Variants in SCN1A observed in about 807,000 individuals in gnomAD.
SCN1A encodes sodium voltage-gated channel alpha subunit 1, also known as sodium channel protein type 1 subunit alpha.
SCN1A carries 13 observed loss-of-function variants against 193.7 expected under a neutral mutation model. That is an observed-to-expected ratio of 0.07 (90% CI 0.04 to 0.11). The LOEUF is 0.11. SCN1A is among the 10% of genes least tolerant of loss of function. The pLI, the probability that SCN1A is intolerant of heterozygous loss-of-function variation, is 1.00. For missense variants in SCN1A, 1,432 were observed against 2,451.1 expected (o/e 0.58, Z 8.78); for synonymous variants, 781 against 843.6 (o/e 0.93, Z 1.29).
chr2:166,061,207 A>G (rs1683272200), intron 4 of SCN1A, among the ~76,000 whole-genome samples: 1 of 152,154 alleles, frequency 6.6e-6, no homozygotes, highest in African/African-American at 2.4e-5. Context: ...CCAAACCATG[A>G]CCAGAGGTAA....
intron 3 of SCN1A, among the ~76,000 whole-genome samples, chr2:166,075,046 T>A (rs1013664930): frequency 6.6e-6 from 1 of 152,128 alleles, no homozygotes; most frequent in Admixed American, 6.6e-5. Flanking sequence ...GAATGTTCTG[T>A]CTACAAACTC....
At chr2:166,061,566 T>C (rs1009375680) in intron 4 of SCN1A, among the ~76,000 whole-genome samples, 2 of 152,152 alleles carry the variant, frequency 1.3e-5, no homozygotes, top group African/African-American at 4.8e-5. Flanking sequence ...AAGGAAGATA[T>C]TGAATGTTCC....
chr2:166,090,797 A>ATACTAGAAGC (rs1299191163), intron 2 of SCN1A, among the ~76,000 whole-genome samples: 7 of 152,256 alleles, frequency 4.6e-5, no homozygotes, highest in Admixed American at 4.6e-4. Flanking sequence ...GCAAACTCTT[A>ATACTAGAAGC]AAACATATTC....
At chr2:166,028,882 G>A (rs1695165620) in intron 19 of SCN1A, among the ~76,000 whole-genome samples, 1 of 152,074 alleles carries the variant, frequency 6.6e-6, no homozygotes, top group South Asian at 2.1e-4. Flanking sequence ...ACTCTAATAG[G>A]AGTAGTATAG....
At chr2:166,006,343 C>G (rs1691651416) in intron 23 of SCN1A, among the ~76,000 whole-genome samples, 1 of 150,998 alleles carries the variant, frequency 6.6e-6, no homozygotes, top group African/African-American at 2.4e-5. Context: ...CTTTTTCTGT[C>G]TCTCGAATAT....
chr2:166,013,027 A>G (rs552608441), intron 21 of SCN1A, among the ~76,000 whole-genome samples: 2 of 151,442 alleles, frequency 1.3e-5, no homozygotes, highest in South Asian at 4.1e-4. Context: ...TTGCATTTCA[A>G]TCAGGCAAAC....
intron 19 of SCN1A, among the ~76,000 whole-genome samples, chr2:166,034,665 G>T (rs1392307034): frequency 6.6e-6 from 1 of 152,074 alleles, no homozygotes; most frequent in Non-Finnish European, 1.5e-5. Flanking sequence ...TTAAAGTTTT[G>T]TCTCCACAAA....
intron 6 of SCN1A, among the ~76,000 whole-genome samples, chr2:166,055,461 T>C (rs1207481707): frequency 6.6e-6 from 1 of 151,954 alleles, no homozygotes; most frequent in East Asian, 1.9e-4. Context: ...TTTTTGTATA[T>C]AAAATTTATT....
upstream of SCN1A, among the ~76,000 whole-genome samples, chr2:166,129,992 C>T (rs1691591553): frequency 6.6e-6 from 1 of 152,150 alleles, no homozygotes; most frequent in South Asian, 2.1e-4. Context: ...ACCATGGGGA[C>T]TCAGGACCAG....
intron 2 of SCN1A, among the ~76,000 whole-genome samples, chr2:166,116,087 A>G (rs895835991): frequency 3.3e-5 from 5 of 152,230 alleles, no homozygotes; most frequent in African/African-American, 1.2e-4. Flanking sequence ...GTAAGAAATA[A>G]ACCTGGACAG....
intron 27 of SCN1A, among the ~76,000 whole-genome samples, chr2:165,995,306 C>T (rs773633128): frequency 1.3e-4 from 20 of 151,648 alleles, no homozygotes; most frequent in Non-Finnish European, 2.2e-4. Context: ...GTAGTTTTTT[C>T]CTTGATGCAC....
chr2:166,148,831 G>T (rs950415534), intron 1 of SCN1A, among the ~76,000 whole-genome samples: 1 of 152,058 alleles, frequency 6.6e-6, no homozygotes, highest in East Asian at 1.9e-4. Flanking sequence ...ATTCCTTGAT[G>T]GTTACAGATG....
chr2:166,071,563 C>T (rs1684416115), intron 4 of SCN1A: 1 of 146,740 alleles, frequency 6.8e-6, no homozygotes, highest in Non-Finnish European at 1.5e-5. Context: ...GATGGTGTAA[C>T]ATTAAAGTTG....
At chr2:166,058,240 T>C (rs1699314283) in intron 5 of SCN1A, among the ~76,000 whole-genome samples, 1 of 152,098 alleles carries the variant, frequency 6.6e-6, no homozygotes, top group Non-Finnish European at 1.5e-5. Flanking sequence ...TTCTACACCA[T>C]CACAAACTTT....
intron 19 of SCN1A, among the ~76,000 whole-genome samples, chr2:166,023,767 G>GA (rs200462714): frequency 0.031 from 4,510 of 147,828 alleles, 121 homozygotes; most frequent in African/African-American, 0.072. Context: ...CTAAAAAAAA[G>GA]AAAAAAAAAT....
At chr2:166,113,674 G>A (rs1689545331) in intron 2 of SCN1A, among the ~76,000 whole-genome samples, 1 of 152,058 alleles carries the variant, frequency 6.6e-6, no homozygotes, top group Non-Finnish European at 1.5e-5. Flanking sequence ...TTGCTAGAGG[G>A]CAAGAATTAC....
At chr2:166,066,974 A>C (rs1683910019) in intron 4 of SCN1A, among the ~76,000 whole-genome samples, 1 of 152,106 alleles carries the variant, frequency 6.6e-6, no homozygotes, top group Non-Finnish European at 1.5e-5. Flanking sequence ...TACCTATTAC[A>C]GGTCAGCTTG....
Position 165,989,185 on chromosome 2 carries a change from A to C in SCN1A, c.*2060T>G, listed in dbSNP as rs963582567. The C allele has an allele frequency of 1.3e-5, 2 of 152,590 alleles. No individual in the cohort carries two copies. Among genetic ancestry groups the C allele is most frequent in the South Asian group, 4.1e-4 (2 of 4,832 alleles). The allele number at this position is 152,590 out of a possible 1,614,324, so 9.5% of individuals were successfully genotyped here. On this transcript the variant is annotated 3_prime_UTR_variant, in exon 29 of 29. Transcript: ENST00000674923. Reference sequence around the variant, plus strand: ...TAAAATAAAAAATGTAATCTTTATTAGTTTTGCACATTTTAAATGTTGGTT... The same window carrying C: ...TAAAATAAAAAATGTAATCTTTATTCGTTTTGCACATTTTAAATGTTGGTT...
rs773181856 is a variant in SCN1A, at chr2:166,039,412, T to C, written c.2589+11A>G. ...GTTTTTGAATTTGGTGCTTTTTTTT[T>C]TTTTTTTTACCAATCGAAATGAACG... On this transcript the variant is annotated intron_variant, in intron 17 of 28. Coordinates refer to ENST00000674923, the MANE Select transcript of SCN1A (RefSeq NM_001165963.4). 3.1e-6 allele frequency: 5 copies of C among 1,609,544 alleles called. No individual in the cohort carries two copies. The highest frequency in any genetic ancestry group is 8.5e-7 in the Non-Finnish European group (1 of 1,178,682).
Sources: gnomAD v4.1 joint callset for allele counts (sites outside exome capture counted in the v4.1 genomes callset) on GRCh38, gnomAD v4.1.1 for gene constraint, MANE v1.5 for transcripts, NCBI Gene and HGNC (gene_info 2026-07-23, HGNC 2026-07-21) for gene names.